RGS1: variants seen among roughly 807,000 people sequenced by gnomAD.
RGS1 encodes B-cell activation protein BL34.
In RGS1, 11 loss-of-function variants were observed where a neutral mutation model predicts 22.2. The observed-to-expected ratio is 0.50, with a 90% CI of 0.31 to 0.82. The LOEUF is 0.82. Ranked by LOEUF, RGS1 falls within the 40% of genes least tolerant of loss-of-function variation. The pLI, the probability that RGS1 is intolerant of heterozygous loss-of-function variation, is 0.04. For synonymous variants in RGS1, 81 were observed against 79.9 expected (o/e 1.01, Z -0.07); for missense variants, 255 against 245.8 (o/e 1.04, Z -0.25).
chr1:192,576,107 C>T, intron 1 of RGS1, 178 bp downstream of exon 1: 1 of 926,612 alleles, frequency 1.1e-6, no homozygotes. Flanking sequence ...CTTGATATGG[C>T]ATTAAATTGG....
chr1:192,576,808 T>C lies in RGS1; in HGVS notation c.253T>C (p.Ser85Pro). The C allele has an allele frequency of 6.2e-7, 1 of 1,612,198 alleles. No individual in the cohort carries two copies. The highest frequency in any genetic ancestry group is 8.5e-7 in the Non-Finnish European group (1 of 1,178,944). The change falls in exon 3 of 5, where the codon TCT becomes CCT. Residue 85 changes from serine to proline, a missense_variant. Physicochemically the swap from Ser to Pro is moderately conservative, Grantham distance 74. Coordinates refer to ENST00000367459, the MANE Select transcript of RGS1 (RefSeq NM_002922.4). ...SAAEVMQWSQ[S>P]LEKLLANQTG... Reference sequence around the variant, plus strand: ...TGCTGAAGTAATGCAATGGTCTCAATCTCTGGAAAAACTTCTTGCCAACCA... The same window carrying C: ...TGCTGAAGTAATGCAATGGTCTCAACCTCTGGAAAAACTTCTTGCCAACCA...
intron 3 of RGS1, 103 bp from the exon 4 acceptor site, chr1:192,578,119 T>G: frequency 7.5e-7 from 1 of 1,341,838 alleles, no homozygotes; most frequent in Admixed American, 2.2e-5. Context: ...TTTGTATGAA[T>G]AGGAAGCAAT....
At chr1:192,577,941 A>C in intron 3 of RGS1, 4 of 357,828 alleles carry the variant, frequency 1.1e-5, no homozygotes, top group East Asian at 5.0e-5. Context: ...TTTCAATTCA[A>C]ACCGCGGATA....
At position 192,576,338 on chromosome 1, in the gene RGS1, G is replaced by A; in HGVS notation, c.191G>A (p.Gly64Glu). The A allele has an allele frequency of 6.2e-7, 1 of 1,611,330 alleles. No individual in the cohort carries two copies. Among genetic ancestry groups the A allele is most frequent in the Non-Finnish European group, 8.5e-7 (1 of 1,178,022 alleles). Reference protein sequence around the residue: ...LRSMIPHLESGMKSSKSKDVL... With the variant: ...LRSMIPHLESEMKSSKSKDVL... ...TCTATGATCCCACATCTGGAATCTG[G>A]AATGAAATCTTCCAAGTCCAAGGAT... The change falls in exon 2 of 5, where the codon GGA becomes GAA. Residue 64 changes from glycine (G) to glutamate (E), a missense_variant. Coordinates refer to ENST00000367459, the MANE Select transcript of RGS1 (RefSeq NM_002922.4).
chr1:192,577,665 A>G (rs1387851434), intron 3 of RGS1: 1 of 153,942 alleles, frequency 6.5e-6, no homozygotes, highest in Admixed American at 6.4e-5. Context: ...TAATTCAGCT[A>G]AACAAATAAA....
At chr1:192,579,024 T>C (rs1182791981) in intron 4 of RGS1, 113 bp from the exon 5 acceptor site, 1 of 953,766 alleles carries the variant, frequency 1.0e-6, no homozygotes, top group Non-Finnish European at 1.6e-6. Context: ...GATATTTGAA[T>C]TGATTTAAAT....
chr1:192,577,546 T>C (rs1221705229), intron 3 of RGS1: 1 of 150,954 alleles, frequency 6.6e-6, no homozygotes, highest in Non-Finnish European at 1.5e-5. Context: ...AGATGAGCAG[T>C]GTGGTCTCTA....
chr1:192,578,550 ATATT>A, intron 4 of RGS1, 165 bp downstream of exon 4: 2 of 794,466 alleles, frequency 2.5e-6, no homozygotes, highest in Non-Finnish European at 3.9e-6. Context: ...CTAATTTTCT[ATATT>A]GGTGAGGGTT....
intron 4 of RGS1, 129 bp downstream of exon 4, chr1:192,578,514 T>C: frequency 2.0e-6 from 2 of 995,390 alleles, no homozygotes; most frequent in Non-Finnish European, 2.9e-6. Flanking sequence ...CTTAGGCATA[T>C]AAATATAGTT....
rs1386840669 is a variant in RGS1, at chr1:192,579,522, G to A, written c.*200G>A. The A allele has an allele frequency of 7.6e-6, 4 of 528,086 alleles. No homozygotes were observed. Among genetic ancestry groups the A allele is most frequent in the Admixed American group, 3.7e-5 (1 of 26,988 alleles). The allele number at this position is 528,086 out of a possible 1,614,324, so 32.7% of individuals were successfully genotyped here. ...TAAGCAAGACAAAAACAGAGAGACC[G>A]CAGAAGGAGGAAGATACTGTGGTAC... On this transcript the variant is annotated 3_prime_UTR_variant, in exon 5 of 5. Transcript: ENST00000367459.
chr1:192,576,085 TA>T, intron 1 of RGS1, 156 bp downstream of exon 1: 1 of 986,876 alleles, frequency 1.0e-6, no homozygotes, highest in Non-Finnish European at 1.5e-6. Flanking sequence ...TCAGCTGCAT[TA>T]AAAAATAAAT....
chr1:192,578,420 T>C (rs547211722), intron 4 of RGS1, 35 bp downstream of exon 4: 3 of 1,605,026 alleles, frequency 1.9e-6, no homozygotes, highest in East Asian at 2.2e-5. Flanking sequence ...AGTTTCTCCA[T>C]AAAAGACCCT....
At chr1:192,579,091 G>T (rs753674143) in intron 4 of RGS1, 46 bp from the exon 5 acceptor site, 4 of 1,545,714 alleles carry the variant, frequency 2.6e-6, no homozygotes, top group Non-Finnish European at 3.5e-6. Context: ...CATAAAATTT[G>T]CAGTAAAGAA....
At chr1:192,578,801 A>G (rs1662109974) in intron 4 of RGS1, 1 of 357,344 alleles carries the variant, frequency 2.8e-6, no homozygotes, top group African/African-American at 2.1e-5. Context: ...GAAAATATCA[A>G]CAAAAAGAGC....
chr1:192,577,093 G>A (rs1662074640), intron 3 of RGS1: 1 of 360,808 alleles, frequency 2.8e-6, no homozygotes, highest in South Asian at 1.3e-4. Flanking sequence ...ATTAAACATT[G>A]TGCTGGGATT....
Position 192,579,133 on chromosome 1 carries a change from T to C in RGS1, c.445-4T>C. The C allele has an allele frequency of 6.2e-7, 1 of 1,601,310 alleles. No individual in the cohort carries two copies. Among genetic ancestry groups the C allele is most frequent in the Non-Finnish European group, 8.5e-7 (1 of 1,176,466 alleles). ...ATATTAGCTAACAAGGTTTTCTTTT[T>C]TAGATCAATATTGACTTCCGCACTC... On this transcript the variant is annotated splice_polypyrimidine_tract_variant and splice_region_variant and intron_variant, in intron 4 of 4. Transcript: ENST00000367459.
At chr1:192,578,923 C>A in intron 4 of RGS1, 1 of 526,166 alleles carries the variant, frequency 1.9e-6, no homozygotes, top group Non-Finnish European at 3.3e-6. Flanking sequence ...CCTAACTATA[C>A]TATGAGGAAA....
chr1:192,575,994 A>C, intron 1 of RGS1, 65 bp downstream of exon 1: 1 of 1,576,782 alleles, frequency 6.3e-7, no homozygotes. Flanking sequence ...AGAAGGATTG[A>C]GAATGAATGG....
At chr1:192,578,491 T>A (rs949307013) in intron 4 of RGS1, 106 bp downstream of exon 4, 5 of 1,280,800 alleles carry the variant, frequency 3.9e-6, no homozygotes, top group Non-Finnish European at 5.4e-6. Context: ...GTATATAATT[T>A]TACTTCTACA....
Sources: allele counts gnomAD v4.1 joint callset, GRCh38; gene constraint gnomAD v4.1.1; transcripts MANE v1.5; gene names NCBI Gene and HGNC (gene_info 2026-07-23, HGNC 2026-07-21).